The following CHAF1A variants were observed in gnomAD, a reference collection of about 807,000 sequenced individuals.
The protein encoded by CHAF1A is chromatin assembly factor 1 subunit A.
CHAF1A carries 5 observed loss-of-function variants against 93.2 expected under a neutral mutation model. The observed-to-expected ratio is 0.05, with a 90% CI of 0.03 to 0.11. CHAF1A has a LOEUF of 0.11. CHAF1A is among the 10% of genes least tolerant of loss of function. CHAF1A has a pLI of 1.00. For synonymous variants in CHAF1A, 504 were observed against 510.3 expected (o/e 0.99, Z 0.17); for missense variants, 1,102 against 1,259.9 (o/e 0.87, Z 1.90).
chr19:4,431,484 G>A (rs28684069), intron 11 of CHAF1A, among the ~76,000 whole-genome samples: 4,256 of 152,036 alleles, frequency 0.028, 193 homozygotes, highest in African/African-American at 0.094. Flanking sequence ...AAGGCCTGTC[G>A]TTTGGGAAGT....
intron 4 of CHAF1A, 96 bp downstream of exon 4, chr19:4,418,172 A>T (rs764637310): frequency 1.3e-5 from 10 of 785,472 alleles, no homozygotes; most frequent in Non-Finnish European, 2.1e-5. Context: ...TCTAGTTTTT[A>T]CATTTTCCCC....
chr19:4,423,234 A>G, intron 5 of CHAF1A, 101 bp from the exon 6 acceptor site: 1 of 1,523,956 alleles, frequency 6.6e-7, no homozygotes, highest in South Asian at 1.3e-5. Context: ...TATTCATTTA[A>G]TGTAAAATGA....
At chr19:4,409,792 G>T in intron 3 of CHAF1A, 33 bp downstream of exon 3, 1 of 1,566,192 alleles carries the variant, frequency 6.4e-7, no homozygotes, top group Non-Finnish European at 8.7e-7. Context: ...CTGCACATCA[G>T]TGCTCACGGA....
At chr19:4,411,644 C>CTTCTTTTTTTTTTTTTTTTTTT (rs1973802048) in intron 3 of CHAF1A, among the ~76,000 whole-genome samples, 8 of 48,204 alleles carry the variant, frequency 1.7e-4, no homozygotes, top group Non-Finnish European at 3.3e-4. Flanking sequence ...TGGTGCAAAT[C>CTTCTTTTTTTTTTTTTTTTTTT]TTTTTTTTTT....
intron 13 of CHAF1A, among the ~76,000 whole-genome samples, chr19:4,434,060 C>A (rs1039068901): frequency 6.6e-6 from 1 of 152,082 alleles, no homozygotes; most frequent in Non-Finnish European, 1.5e-5. Flanking sequence ...AATCAGTGCA[C>A]CTCAGGCCAG....
At chr19:4,416,661 G>C (rs924789096) in intron 3 of CHAF1A, among the ~76,000 whole-genome samples, 1 of 152,026 alleles carries the variant, frequency 6.6e-6, no homozygotes, top group Non-Finnish European at 1.5e-5. Context: ...GAGGCGAGGC[G>C]GGTGGATCAC....
chr19:4,430,742 C>G, intron 11 of CHAF1A, 101 bp downstream of exon 11: 1 of 1,252,576 alleles, frequency 8.0e-7, no homozygotes, highest in Non-Finnish European at 1.1e-6. Flanking sequence ...CCCAGCCCAA[C>G]CATACGAGAT....
At chr19:4,448,283 A>T, downstream of CHAF1A, 1 of 1,553,414 alleles carries the variant, frequency 6.4e-7, no homozygotes, top group Non-Finnish European at 8.7e-7. Context: ...GATGAGCTGG[A>T]GGGGCCAGGC....
At chr19:4,421,700 T>C (rs1973992810) in intron 4 of CHAF1A, among the ~76,000 whole-genome samples, 1 of 152,134 alleles carries the variant, frequency 6.6e-6, no homozygotes, top group Non-Finnish European at 1.5e-5. Flanking sequence ...CACTTGAGCC[T>C]GGGAGGTCGA....
chr19:4,409,770 C>G lies in CHAF1A; in HGVS notation c.960+11C>G, dbSNP rs1373772483. ...ACGCCCCTCCGCAGAGTGAGTATCT[C>G]CCATGGAGTCCCTGCACATCAGTGC... On this transcript the variant is annotated intron_variant, in intron 3 of 14. Transcript: ENST00000301280. The G allele has an allele frequency of 1.9e-6, 3 of 1,593,642 alleles. No individual in the cohort carries two copies. The African/African-American group carries it at 4.0e-5, about 21-fold the overall frequency.
At chr19:4,431,787 A>G (rs1445582118) in intron 11 of CHAF1A, among the ~76,000 whole-genome samples, 165 bp from the exon 12 acceptor site, 1 of 152,230 alleles carries the variant, frequency 6.6e-6, no homozygotes, top group East Asian at 1.9e-4. Context: ...GAAGAGGGGC[A>G]GCCAGCGCAT....
At chr19:4,410,427 C>G (rs1568430754) in intron 3 of CHAF1A, among the ~76,000 whole-genome samples, 1 of 148,708 alleles carries the variant, frequency 6.7e-6, no homozygotes, top group Non-Finnish European at 1.5e-5. Context: ...ATCACCCAGG[C>G]TGGAGTTCAG....
rs757343698 is a variant in CHAF1A, at chr19:4,422,538, A to C, written c.1018-28A>C. ...CCTCCTGGGAGTTGGAGGGAGGGCC[A>C]CCTGTCACTTGCCACACTGTCTTGT... On this transcript the variant is annotated intron_variant, in intron 4 of 14. Transcript: ENST00000301280. This position sits in a 1 kb window ranked among gnomAD's most constrained non-coding sequence, Gnocchi z 4.6. The C allele has an allele frequency of 7.0e-5, 109 of 1,550,612 alleles. No individual in the cohort carries two copies. The highest frequency in any genetic ancestry group is 8.8e-5 in the Non-Finnish European group (101 of 1,145,494).
chr19:4,414,823 C>T (rs996060176), intron 3 of CHAF1A, among the ~76,000 whole-genome samples: 1 of 152,160 alleles, frequency 6.6e-6, no homozygotes. Flanking sequence ...GCAATGCGTG[C>T]GTTCTTATTT....
At chr19:4,402,867 C>T (rs989735157) in intron 1 of CHAF1A, 53 bp downstream of exon 1, 6 of 1,099,754 alleles carry the variant, frequency 5.5e-6, no homozygotes, top group African/African-American at 4.9e-5. Context: ...GCGGCCTGGA[C>T]GGGCCGAGGC....
chr19:4,432,561 C>T (rs541026549), intron 12 of CHAF1A, among the ~76,000 whole-genome samples: 49 of 152,068 alleles, frequency 3.2e-4, no homozygotes, highest in African/African-American at 1.2e-3. Flanking sequence ...AGTGCTTCGA[C>T]ACCAGCCTGG....
At chr19:4,414,230 G>A (rs1026422211) in intron 3 of CHAF1A, among the ~76,000 whole-genome samples, 2 of 151,936 alleles carry the variant, frequency 1.3e-5, no homozygotes, top group African/African-American at 4.8e-5. Flanking sequence ...GTGAAACTCC[G>A]TCTGTACAAA....
intron 2 of CHAF1A, 129 bp downstream of exon 2, chr19:4,406,091 G>T (rs574692998): frequency 1.3e-6 from 1 of 757,042 alleles, no homozygotes; most frequent in East Asian, 2.5e-5. Flanking sequence ...CAGGAAGCTG[G>T]GAAAATGCTT....
rs1973745600 is a variant in CHAF1A at position 4,409,315 on chromosome 19, T to C, written c.516T>C (p.Pro172=). ...TTCAGAACGACAAGTTGGCATTTCCTGGAGAGACCCTTTCAGACATTCCTT... is the reference window on the plus strand; with the variant it reads ...TTCAGAACGACAAGTTGGCATTTCCCGGAGAGACCCTTTCAGACATTCCTT... ...KAIQNDKLAF[P]GETLSDIPCK... Residue 172 remains proline, a synonymous_variant, in exon 3 of 15, where the codon CCT becomes CCC. Transcript: ENST00000301280. 8 of 1,614,096 alleles carry C rather than the reference T, an allele frequency of 5.0e-6. No homozygotes were observed. The highest frequency in any genetic ancestry group is 5.9e-6 in the Non-Finnish European group (7 of 1,180,012).
Sources: allele counts gnomAD v4.1 joint callset (sites outside exome capture counted in the v4.1 genomes callset), GRCh38; gene constraint gnomAD v4.1.1; non-coding constraint Gnocchi (gnomAD v3.1); transcripts MANE v1.5; gene names NCBI Gene and HGNC (gene_info 2026-07-23, HGNC 2026-07-21).